Variants in PIEZO2 observed in about 807,000 individuals in gnomAD.
PIEZO2 encodes the protein piezo-type mechanosensitive ion channel component 2.
A neutral mutation model predicts 337.3 loss-of-function variants in PIEZO2; 172 were observed. That is an observed-to-expected ratio of 0.51 (90% CI 0.45 to 0.58). PIEZO2 has a LOEUF of 0.58. Ranked by LOEUF, PIEZO2 falls within the 20% of genes least tolerant of loss-of-function variation. PIEZO2 has a pLI of 0.00. For missense variants in PIEZO2, 3,028 were observed against 3,391.3 expected (o/e 0.89, Z 2.66); for synonymous variants, 1,251 against 1,228.5 (o/e 1.02, Z -0.38).
At chr18:10,914,802 G>A (rs1158408081) in intron 3 of PIEZO2, among the ~76,000 whole-genome samples, 1 of 152,106 alleles carries the variant, frequency 6.6e-6, no homozygotes, top group African/African-American at 2.4e-5. Context: ...AATGCAGAGC[G>A]GAAGATGGCA....
chr18:11,052,139 T>C (rs1433811383), intron 2 of PIEZO2, among the ~76,000 whole-genome samples: 2 of 152,224 alleles, frequency 1.3e-5, no homozygotes, highest in Non-Finnish European at 2.9e-5. Flanking sequence ...GGTTTTTCTA[T>C]TCTCTAATAC....
At chr18:10,674,781 C>T (rs941442531) in intron 54 of PIEZO2, among the ~76,000 whole-genome samples, 3 of 152,192 alleles carry the variant, frequency 2.0e-5, no homozygotes, top group Non-Finnish European at 4.4e-5. Flanking sequence ...AAAATTCAAT[C>T]ACTAAAGTGC....
At chr18:10,906,694 G>A (rs1446455427) in intron 4 of PIEZO2, among the ~76,000 whole-genome samples, 1 of 152,032 alleles carries the variant, frequency 6.6e-6, no homozygotes, top group Admixed American at 6.6e-5. Flanking sequence ...CTGAGTAGTT[G>A]GGACTACAGG....
In PIEZO2 at chr18:10,853,287, A is replaced by T. The variant is rs116327376; in HGVS notation, c.917+2066T>A. ...CCCCGGAATCAAGCCAATGTATAAA[A>T]CCCCAGTCAAAGGTCAAACCGTGCA... On this transcript the variant is annotated intron_variant, in intron 7 of 55. Transcript: ENST00000674853. This position sits in a 1 kb window ranked among gnomAD's most constrained non-coding sequence, Gnocchi z 4.2. Among the ~76,000 whole-genome samples the T allele has an allele frequency of 0.011, 1,685 of 152,142 alleles. 33 individuals are homozygous for T. Among genetic ancestry groups the T allele is most frequent in the African/African-American group, 0.039 (1,603 of 41,498 alleles).
chr18:10,865,341 G>A (rs1346230879), intron 5 of PIEZO2, among the ~76,000 whole-genome samples: 2 of 152,206 alleles, frequency 1.3e-5, no homozygotes, highest in African/African-American at 4.8e-5. Flanking sequence ...CAATTGGATA[G>A]GGTAAGAAGG....
At chr18:11,018,057 A>G (rs2036178171) in intron 2 of PIEZO2, among the ~76,000 whole-genome samples, 1 of 152,178 alleles carries the variant, frequency 6.6e-6, no homozygotes, top group African/African-American at 2.4e-5. Context: ...TTAAGGTGTC[A>G]GCAGGGCCCT....
Position 10,855,554 on chromosome 18 carries a change from G to A in PIEZO2, c.716C>T (p.Pro239Leu), listed in dbSNP as rs776926434. Residue 239 changes from proline (P) to leucine (L), a missense_variant, in exon 7 of 56, where the codon CCG becomes CTG. Physicochemically the swap from Pro to Leu is moderately conservative, Grantham distance 98. This residue lies in a region of PIEZO2 where 542 missense variants were observed against 605.6 expected (regional missense o/e 0.89). Transcript: ENST00000674853. The surrounding 1 kb of genome is among the most constrained non-coding windows in gnomAD (Gnocchi z 4.9). ...ILLGSSGMML[P>L]SLTSSVYFFV... ...AAAATACACAGATGATGTCAAAGACGGCAACATCATGCCTAAGGAAGAGAA... is the reference window on the plus strand; with the variant it reads ...AAAATACACAGATGATGTCAAAGACAGCAACATCATGCCTAAGGAAGAGAA... The A allele has an allele frequency of 2.2e-5, 34 of 1,536,120 alleles. No individual in the cohort carries two copies. Among genetic ancestry groups the A allele is most frequent in the Non-Finnish European group, 2.8e-5 (32 of 1,146,414 alleles).
At chr18:10,693,505 G>T (rs1398624741) in intron 47 of PIEZO2, among the ~76,000 whole-genome samples, 3 of 150,940 alleles carry the variant, frequency 2.0e-5, no homozygotes, top group Non-Finnish European at 4.4e-5. Context: ...GAGTAGCTGG[G>T]ACTATAGGCG....
rs1284384826 is a variant in PIEZO2, at chr18:10,691,800, TAGAG to T, written c.7191-421_7191-418del. Among the ~76,000 whole-genome samples the T allele has an allele frequency of 1.6e-3, 142 of 89,762 alleles. 9 individuals carry two copies. Among genetic ancestry groups the T allele is most frequent in the African/African-American group, 6.6e-3 (140 of 21,222 alleles). The allele number at this position is 89,762 out of a possible 152,430, so 58.9% of individuals were successfully genotyped here. On this transcript the variant is annotated intron_variant, in intron 47 of 55. Coordinates refer to ENST00000674853, the MANE Select transcript of PIEZO2 (RefSeq NM_001378183.1). ...ACACACACATATATATATATATATA[TAGAG>T]AGAGAGAGAGAGGATCCATTTGGAA...
intron 7 of PIEZO2, among the ~76,000 whole-genome samples, chr18:10,811,001 C>T (rs2040169077): frequency 1.3e-5 from 2 of 152,216 alleles, no homozygotes; most frequent in South Asian, 2.1e-4. Flanking sequence ...ATCATCTGAA[C>T]CTTCATGCTA....
Position 10,677,952 on chromosome 18 carries a change from C to A in PIEZO2, c.7953-77G>T. ...AAAGAGATTTACAACATATTTAACTCTTAATTTGATTAATGTCACCACGTT... is the reference window on the plus strand; with the variant it reads ...AAAGAGATTTACAACATATTTAACTATTAATTTGATTAATGTCACCACGTT... On this transcript the variant is annotated intron_variant, in intron 52 of 55. Transcript: ENST00000674853. This position sits in a 1 kb window ranked among gnomAD's most constrained non-coding sequence, Gnocchi z 4.1. 1.5e-6 allele frequency: 2 copies of A among 1,376,344 alleles called. No individual in the cohort carries two copies. The highest frequency in any genetic ancestry group is 1.5e-5 in the African/African-American group (1 of 68,368). The allele number at this position is 1,376,344 out of a possible 1,614,324, so 85.3% of individuals were successfully genotyped here. A position where few individuals can be genotyped will look rare whatever the true frequency, so the allele number is the denominator to read the frequency against.
rs1180982748 is a variant in PIEZO2 at position 11,109,835 on chromosome 18, A to G, written c.64+38690T>C. Among the ~76,000 whole-genome samples the G allele has an allele frequency of 1.3e-5, 2 of 152,218 alleles. No homozygotes were observed. The highest frequency in any genetic ancestry group is 4.8e-5 in the African/African-American group (2 of 41,460). ...ATCTTAGATATACAGATTTTTCCAC[A>G]GATCTTTCTTTTCTTGCTTTCCTTT... On this transcript the variant is annotated intron_variant, in intron 1 of 55. Transcript: ENST00000674853. This position sits in a 1 kb window ranked among gnomAD's most constrained non-coding sequence, Gnocchi z 5.1.
intron 4 of PIEZO2, among the ~76,000 whole-genome samples, chr18:10,892,085 C>T (rs1193442963): frequency 6.6e-6 from 1 of 152,134 alleles, no homozygotes; most frequent in African/African-American, 2.4e-5. Flanking sequence ...ATGATGTCCA[C>T]ACAACCACCT....
rs1037213920 is a variant in PIEZO2, at chr18:11,148,610, A to G, written c.-22T>C. ...CCATCGCGTCGGTCCGGCGAGTCGG[A>G]GCAGAGGGGCGAGGCTCGAGGGTCC... is the stretch of plus-strand genomic sequence containing the variant. On this transcript the variant is annotated 5_prime_UTR_variant, in exon 1 of 56. Coordinates refer to ENST00000674853, the MANE Select transcript of PIEZO2 (RefSeq NM_001378183.1). The surrounding 1 kb of genome is among the most constrained non-coding windows in gnomAD (Gnocchi z 5.2). The G allele has an allele frequency of 2.0e-6, 3 of 1,536,670 alleles. No homozygotes were observed. The highest frequency in any genetic ancestry group is 8.7e-7 in the Non-Finnish European group (1 of 1,146,784).
intron 1 of PIEZO2, among the ~76,000 whole-genome samples, chr18:11,073,834 A>T (rs190688990): frequency 7.3e-5 from 11 of 149,896 alleles, no homozygotes; most frequent in Admixed American, 2.8e-4. Context: ...GACTTAGAAG[A>T]CAAATAACAA....
chr18:11,096,231 C>T lies in PIEZO2; in HGVS notation c.65-30009G>A, dbSNP rs150555556. Among the ~76,000 whole-genome samples the T allele has an allele frequency of 5.9e-5, 9 of 152,340 alleles. No individual in the cohort carries two copies. In the East Asian group the frequency reaches 7.7e-4, roughly 13 times the overall value. On this transcript the variant is annotated intron_variant, in intron 1 of 55. Transcript: ENST00000674853. This position sits in a 1 kb window ranked among gnomAD's most constrained non-coding sequence, Gnocchi z 4.6. Reference sequence around the variant, plus strand: ...GGTGAAGAAGCCATGAGAAGGACCACGTGCCCTTTGCCAGACCAAGCCTGT... The same window carrying T: ...GGTGAAGAAGCCATGAGAAGGACCATGTGCCCTTTGCCAGACCAAGCCTGT...
chr18:10,735,231 C>A lies in PIEZO2; in HGVS notation c.4914+1G>T, dbSNP rs1374045452. Reference sequence around the variant, plus strand: ...CTACACATCAGTAAAACATCAAATACCTTTGCAGCTCTGATTAAATACTGA... The same window carrying A: ...CTACACATCAGTAAAACATCAAATAACTTTGCAGCTCTGATTAAATACTGA... On this transcript the variant is annotated splice_donor_variant, in intron 35 of 55. Coordinates refer to ENST00000674853, the MANE Select transcript of PIEZO2 (RefSeq NM_001378183.1). LOFTEE classifies it high-confidence loss of function. 6.6e-6 allele frequency among the ~76,000 whole-genome samples: 1 copy of A among 152,096 alleles called. No individual in the cohort carries two copies. Among genetic ancestry groups the A allele is most frequent in the African/African-American group, 2.4e-5 (1 of 41,406 alleles).
intron 3 of PIEZO2, among the ~76,000 whole-genome samples, chr18:10,978,462 A>G (rs895744692): frequency 2.5e-4 from 38 of 152,222 alleles, no homozygotes; most frequent in African/African-American, 8.4e-4. Context: ...ATAGATCTTA[A>G]AAAATCGTCT....
Position 10,797,362 on chromosome 18 carries a change from T to C in PIEZO2, c.1527+12A>G. The C allele has an allele frequency of 1.3e-6, 2 of 1,514,654 alleles. No individual in the cohort carries two copies. The highest frequency in any genetic ancestry group is 8.9e-7 in the Non-Finnish European group (1 of 1,126,642). 93.8% of individuals were successfully genotyped at this position (1,514,654 alleles called of 1,614,324 possible). On this transcript the variant is annotated intron_variant, in intron 12 of 55. Coordinates refer to ENST00000674853, the MANE Select transcript of PIEZO2 (RefSeq NM_001378183.1). ...ACATATCATATTATACCTATCATCA[T>C]ATCATACATACCATCATAGCTATGA...
Sources: allele counts gnomAD v4.1 joint callset (sites outside exome capture counted in the v4.1 genomes callset), GRCh38; gene constraint gnomAD v4.1.1; regional missense constraint gnomAD v4.1.1; non-coding constraint Gnocchi (gnomAD v3.1); transcripts MANE v1.5; gene names NCBI Gene and HGNC (gene_info 2026-07-23, HGNC 2026-07-21).